SNX13: variants seen among roughly 807,000 people sequenced by gnomAD.
The protein encoded by SNX13 is sorting nexin 13, also known as sorting nexin-13.
Under a neutral mutation model 133.6 loss-of-function variants are expected in SNX13, and 45 were observed. The observed-to-expected ratio is 0.34, with a 90% CI of 0.27 to 0.43. SNX13 has a LOEUF of 0.43. Among genes scored for constraint, SNX13 ranks in the 20% least tolerant of loss-of-function variants. The probability of loss-of-function intolerance (pLI) is 1.00; values close to 1 mark genes in which losing one functional copy is unlikely to be tolerated. For synonymous variants in SNX13, 414 were observed against 373.9 expected, an observed-to-expected ratio of 1.11 and a Z score of -1.24; for missense variants, 1,032 against 1,145.1, an observed-to-expected ratio of 0.90 and a Z score of 1.43.
intron 1 of SNX13, chr7:17,899,851 C>T (rs1797624234): frequency 1.3e-5 from 2 of 152,086 alleles, no homozygotes; most frequent in African/African-American, 4.8e-5. Flanking sequence ...CCTGAATGGT[C>T]TTGATGCTTG....
chr7:17,837,246 T>A (rs1194672340), intron 13 of SNX13, among the ~76,000 whole-genome samples: 1 of 152,050 alleles, frequency 6.6e-6, no homozygotes, highest in Non-Finnish European at 1.5e-5. Context: ...AGCACCTGGT[T>A]CAGCCACCCA....
chr7:17,822,865 G>C (rs1787456888), intron 17 of SNX13, among the ~76,000 whole-genome samples: 1 of 152,180 alleles, frequency 6.6e-6, no homozygotes, highest in Admixed American at 6.5e-5. Flanking sequence ...CTTGAGGACA[G>C]CTAAATCCAG....
intron 1 of SNX13, among the ~76,000 whole-genome samples, chr7:17,920,790 C>A (rs1800043217): frequency 6.6e-6 from 1 of 152,060 alleles, no homozygotes; most frequent in East Asian, 1.9e-4. Context: ...ATATAAGGCC[C>A]TTTTTCACTC....
At chr7:17,820,329 G>A (rs1007080215) in intron 18 of SNX13, among the ~76,000 whole-genome samples, 1 of 152,034 alleles carries the variant, frequency 6.6e-6, no homozygotes, top group Non-Finnish European at 1.5e-5. Context: ...GGAATAAAAA[G>A]ATATATGAGC....
chr7:17,936,985 G>C (rs1464022609), intron 1 of SNX13, among the ~76,000 whole-genome samples: 2 of 140,400 alleles, frequency 1.4e-5, no homozygotes, highest in African/African-American at 5.3e-5. Context: ...CAACAGAAGG[G>C]GAAAAAAACT....
intron 1 of SNX13, among the ~76,000 whole-genome samples, chr7:17,918,391 G>A (rs1165649744): frequency 6.7e-6 from 1 of 149,478 alleles, no homozygotes; most frequent in African/African-American, 2.5e-5. Flanking sequence ...TCTGACAAAG[G>A]AATAATATCC....
chr7:17,913,496 TTCTTAA>T (rs1247930898), intron 1 of SNX13, among the ~76,000 whole-genome samples: 1 of 152,126 alleles, frequency 6.6e-6, no homozygotes, highest in African/African-American at 2.4e-5. Flanking sequence ...CACCTGCCAA[TTCTTAA>T]TCTTAAGTGC....
intron 2 of SNX13, among the ~76,000 whole-genome samples, chr7:17,893,734 G>A (rs1442941055): frequency 1.3e-5 from 2 of 152,118 alleles, no homozygotes; most frequent in Admixed American, 6.5e-5. Context: ...CAGCACTTTG[G>A]GAGGCCAAGA....
chr7:17,834,129 G>A lies in SNX13; in HGVS notation c.1520C>T (p.Ala507Val), dbSNP rs764520080. 3 of 1,595,102 alleles carry A rather than the reference G, an allele frequency of 1.9e-6. No individual in the cohort carries two copies. Among genetic ancestry groups the A allele is most frequent in the Non-Finnish European group, 2.6e-6 (3 of 1,168,222 alleles). ...CTCAGCTAACATGCGCACATAAAGT[G>A]CATTCTGTCTGAAGGAAGGATAAAA... Reference protein sequence around the residue: ...ERFYPSFRQNALYVRMLAELD... With the variant: ...ERFYPSFRQNVLYVRMLAELD... The change falls in exon 15 of 26, where the codon GCA becomes GTA. Residue 507 changes from alanine (A) to valine (V), a missense_variant. Transcript: ENST00000428135.
At chr7:17,798,364 C>G in intron 24 of SNX13, among the ~76,000 whole-genome samples, 1 of 151,882 alleles carries the variant, frequency 6.6e-6, no homozygotes, top group Non-Finnish European at 1.5e-5. Flanking sequence ...AAAAACTAAT[C>G]CCCAAAACTA....
chr7:17,938,149 G>C (rs1368382299), intron 1 of SNX13, among the ~76,000 whole-genome samples: 1 of 152,080 alleles, frequency 6.6e-6, no homozygotes, highest in African/African-American at 2.4e-5. Context: ...TAGAAGCCTT[G>C]TTTAAAAAAT....
chr7:17,847,858 C>T (rs1790732174), intron 11 of SNX13, among the ~76,000 whole-genome samples: 2 of 152,268 alleles, frequency 1.3e-5, no homozygotes, highest in Admixed American at 1.3e-4. Context: ...TCTTTCTCCA[C>T]GTTATCCTTT....
intron 5 of SNX13, among the ~76,000 whole-genome samples, chr7:17,879,166 C>T (rs1795066019): frequency 6.6e-6 from 1 of 152,188 alleles, no homozygotes; most frequent in African/African-American, 2.4e-5. Flanking sequence ...CTCAGTAAGG[C>T]ACAGATTGAC....
intron 5 of SNX13, chr7:17,890,160 A>T: frequency 2.4e-6 from 1 of 416,602 alleles, no homozygotes; most frequent in South Asian, 6.6e-5. Context: ...TAATCAAAAT[A>T]ACATTCTGTA....
At chr7:17,835,221 C>A (rs1341193981) in intron 13 of SNX13, among the ~76,000 whole-genome samples, 1 of 151,478 alleles carries the variant, frequency 6.6e-6, no homozygotes, top group Non-Finnish European at 1.5e-5. Flanking sequence ...AGATATATAC[C>A]ATAGTGTCTG....
rs1301828501 is a variant in SNX13 at position 17,791,949 on chromosome 7, T to C, written c.*2096A>G. 1 of 152,094 alleles carries C rather than the reference T, an allele frequency of 6.6e-6. No homozygotes were observed. Among genetic ancestry groups the C allele is most frequent in the East Asian group, 1.9e-4 (1 of 5,198 alleles). The allele number at this position is 152,094 out of a possible 1,614,324, so 9.4% of individuals were successfully genotyped here. On this transcript the variant is annotated 3_prime_UTR_variant, in exon 26 of 26. Coordinates refer to ENST00000428135, the MANE Select transcript of SNX13 (RefSeq NM_015132.5). ...AAACAAAAATTACTTTAAAAATCCATTTACTCAAATAGTTTTTGGTATGAT... is the reference window on the plus strand; with the variant it reads ...AAACAAAAATTACTTTAAAAATCCACTTACTCAAATAGTTTTTGGTATGAT...
chr7:17,859,424 T>C (rs892329737), intron 9 of SNX13, among the ~76,000 whole-genome samples: 7 of 152,126 alleles, frequency 4.6e-5, no homozygotes, highest in Non-Finnish European at 1.0e-4. Context: ...TGCTAAATGT[T>C]AATCAGAATG....
At chr7:17,910,293 T>C (rs1180554844) in intron 1 of SNX13, among the ~76,000 whole-genome samples, 1 of 152,104 alleles carries the variant, frequency 6.6e-6, no homozygotes, top group African/African-American at 2.4e-5. Context: ...TAAAACAAAA[T>C]ACAATTCAAT....
intron 15 of SNX13, chr7:17,831,374 A>G: frequency 4.8e-6 from 4 of 836,366 alleles, no homozygotes; most frequent in Non-Finnish European, 5.8e-6. Context: ...GTTTTAATAA[A>G]GGAGAAAATA....
Sources: gnomAD v4.1 joint callset for allele counts (sites outside exome capture counted in the v4.1 genomes callset) on GRCh38, gnomAD v4.1.1 for gene constraint, MANE v1.5 for transcripts, NCBI Gene and HGNC (gene_info 2026-07-23, HGNC 2026-07-21) for gene names.